The following DCLRE1A variants were observed in gnomAD, a reference collection of about 807,000 sequenced individuals.
DCLRE1A encodes DNA cross-link repair 1A.
A neutral mutation model predicts 91.9 loss-of-function variants in DCLRE1A; 64 were observed. The ratio of observed to expected loss-of-function variants is 0.70; its 90% CI spans 0.57 to 0.86. DCLRE1A has a LOEUF of 0.86. Ranked by LOEUF, DCLRE1A falls within the 40% of genes least tolerant of loss-of-function variation. The pLI, the probability that DCLRE1A is intolerant of heterozygous loss-of-function variation, is 0.00. For synonymous variants in DCLRE1A, 416 were observed against 431.1 expected (o/e 0.96, Z 0.43); for missense variants, 1,145 against 1,213.3 (o/e 0.94, Z 0.84).
intron 4 of DCLRE1A, among the ~76,000 whole-genome samples, chr10:113,844,719 T>C (rs1845503197): frequency 6.6e-6 from 1 of 152,204 alleles, no homozygotes; most frequent in Non-Finnish European, 1.5e-5. Flanking sequence ...GTGTATCACC[T>C]GAGGTCAGGA....
chr10:113,842,040 C>A (rs1845453357), intron 6 of DCLRE1A, among the ~76,000 whole-genome samples: 1 of 152,244 alleles, frequency 6.6e-6, no homozygotes, highest in South Asian at 2.1e-4. Flanking sequence ...TGCAGCAATA[C>A]AACTATGCAT....
Position 113,835,089 on chromosome 10 carries a change from G to C in DCLRE1A, c.*63C>G. 1.4e-6 allele frequency: 2 copies of C among 1,475,182 alleles called. No homozygotes were observed. The highest frequency in any genetic ancestry group is 1.8e-6 in the Non-Finnish European group (2 of 1,082,040). 91.4% of individuals were successfully genotyped at this position (1,475,182 alleles called of 1,614,324 possible). ...ACAAAGTGTATTTCACATTTCTATA[G>C]ATTTAACTACTAACAAGCTACATCC... On this transcript the variant is annotated 3_prime_UTR_variant, in exon 9 of 9. Transcript: ENST00000361384.
chr10:113,848,969 T>C lies in DCLRE1A; in HGVS notation c.2125+11A>G. 1 of 1,605,452 alleles carries C rather than the reference T, an allele frequency of 6.2e-7. No individual in the cohort carries two copies. The highest frequency in any genetic ancestry group is 8.5e-7 in the Non-Finnish European group (1 of 1,176,034). Reference sequence around the variant, plus strand: ...TTTGTTGATATATCGAGTATTGACATTTCAACTTACCAGGTATTTTCTTAT... The same window carrying C: ...TTTGTTGATATATCGAGTATTGACACTTCAACTTACCAGGTATTTTCTTAT... On this transcript the variant is annotated intron_variant, in intron 2 of 8. Transcript: ENST00000361384.
At chr10:113,842,004 C>A (rs1446835431) in intron 6 of DCLRE1A, among the ~76,000 whole-genome samples, 35 of 152,112 alleles carry the variant, frequency 2.3e-4, no homozygotes, top group Admixed American at 2.3e-3. Flanking sequence ...AAACTGATTG[C>A]CAATGTAATT....
intron 7 of DCLRE1A, among the ~76,000 whole-genome samples, chr10:113,838,266 C>T: frequency 6.6e-6 from 1 of 152,108 alleles, no homozygotes; most frequent in East Asian, 1.9e-4. Flanking sequence ...ATCACTATTC[C>T]TTCTGCCCTT....
chr10:113,837,066 T>A lies in DCLRE1A; in HGVS notation c.2958A>T (p.Ile986=). ...VIPQTKGNIS[I]YGIPYSEHSS... ...GAGAAAATTTAATAACTATACCATA[T>A]ATTGAAATGTTTCCTTTGGTCTGGG... Residue 986 remains isoleucine, a synonymous_variant, in exon 8 of 9, where the codon ATA becomes ATT. Transcript: ENST00000361384. 1 of 1,602,614 alleles carries A rather than the reference T, an allele frequency of 6.2e-7. No individual in the cohort carries two copies. Among genetic ancestry groups the A allele is most frequent in the Non-Finnish European group, 8.5e-7 (1 of 1,175,580 alleles).
At chr10:113,843,547 T>A (rs1233522083) in intron 5 of DCLRE1A, among the ~76,000 whole-genome samples, 3 of 152,198 alleles carry the variant, frequency 2.0e-5, no homozygotes, top group African/African-American at 7.2e-5. Context: ...GATATTTTAA[T>A]ATATAAAATC....
At chr10:113,848,571 C>A (rs1313951681) in intron 2 of DCLRE1A, among the ~76,000 whole-genome samples, 1 of 152,090 alleles carries the variant, frequency 6.6e-6, no homozygotes, top group African/African-American at 2.4e-5. Flanking sequence ...TATGTAAAAC[C>A]TGTGACATTT....
At chr10:113,837,297 G>A in intron 7 of DCLRE1A, 94 bp from the exon 8 acceptor site, 3 of 1,212,140 alleles carry the variant, frequency 2.5e-6, no homozygotes, top group Admixed American at 2.8e-5. Flanking sequence ...ACAGGCATGG[G>A]GAGTTTTCAT....
Position 113,853,184 on chromosome 10 carries a change from G to A in DCLRE1A, c.-2C>T. The A allele has an allele frequency of 6.5e-7, 1 of 1,536,898 alleles. No individual in the cohort carries two copies. Among genetic ancestry groups the A allele is most frequent in the Non-Finnish European group, 8.7e-7 (1 of 1,151,808 alleles). On this transcript the variant is annotated 5_prime_UTR_variant, in exon 1 of 9. Coordinates refer to ENST00000361384, the MANE Select transcript of DCLRE1A (RefSeq NM_014881.5). ...TTCTTCGGAAATGTCTTCTAACATGGCAAAATGATTTTATCATTCAAGAAG... is the reference window on the plus strand; with the variant it reads ...TTCTTCGGAAATGTCTTCTAACATGACAAAATGATTTTATCATTCAAGAAG...
At position 113,847,255 on chromosome 10, in the gene DCLRE1A, C is replaced by G; in HGVS notation, c.2206G>C (p.Asp736His). Reference sequence around the variant, plus strand: ...TGTTTAGACAATCCAGCATAATGATCAGAATGAAAATGTGTGAGAAAATAG... The same window carrying G: ...TGTTTAGACAATCCAGCATAATGATGAGAATGAAAATGTGTGAGAAAATAG... Reference protein sequence around the residue: ...TAYFLTHFHSDHYAGLSKHFT... With the variant: ...TAYFLTHFHSHHYAGLSKHFT... Residue 736 changes from aspartate (D) to histidine (H), a missense_variant, in exon 3 of 9, where the codon GAT (aspartate) becomes CAT (histidine). Coordinates refer to ENST00000361384, the MANE Select transcript of DCLRE1A (RefSeq NM_014881.5). The G allele has an allele frequency of 6.2e-7, 1 of 1,613,732 alleles. No homozygotes were observed. Among genetic ancestry groups the G allele is most frequent in the Middle Eastern group, 1.6e-4 (1 of 6,062 alleles).
chr10:113,837,207 T>C lies in DCLRE1A; in HGVS notation c.2821-4A>G. On this transcript the variant is annotated splice_region_variant and splice_polypyrimidine_tract_variant and intron_variant, in intron 7 of 8. Coordinates refer to ENST00000361384, the MANE Select transcript of DCLRE1A (RefSeq NM_014881.5). ...TCTTCAAATGACTCTGTAAGCCCTG[T>C]TAAATTAAAATAGCATATTGAGGTC... 6.2e-7 allele frequency: 1 copy of C among 1,606,596 alleles called. No homozygotes were observed. The highest frequency in any genetic ancestry group is 8.5e-7 in the Non-Finnish European group (1 of 1,177,702).
chr10:113,840,042 T>A (rs555341987), intron 7 of DCLRE1A, among the ~76,000 whole-genome samples: 40 of 152,188 alleles, frequency 2.6e-4, no homozygotes, highest in African/African-American at 9.4e-4. Flanking sequence ...ACCTGTAATA[T>A]CAGCACTTGG....
intron 5 of DCLRE1A, among the ~76,000 whole-genome samples, chr10:113,843,337 G>T (rs1489178513): frequency 6.6e-6 from 1 of 151,814 alleles, no homozygotes; most frequent in Non-Finnish European, 1.5e-5. Context: ...ATAGAACTAG[G>T]TAACAAAAAA....
intron 2 of DCLRE1A, 42 bp from the exon 3 acceptor site, chr10:113,847,377 A>G (rs200831462): frequency 2.4e-5 from 39 of 1,604,640 alleles, no homozygotes; most frequent in Non-Finnish European, 3.2e-5. Context: ...GCAAGAGCTA[A>G]GATACCCAAT....
At chr10:113,835,807 T>A (rs1031115528) in intron 8 of DCLRE1A, among the ~76,000 whole-genome samples, 2 of 152,094 alleles carry the variant, frequency 1.3e-5, no homozygotes, top group African/African-American at 4.8e-5. Context: ...TGGTGGCACA[T>A]GCCTGTAATC....
At chr10:113,846,587 G>A (rs968991105) in intron 3 of DCLRE1A, among the ~76,000 whole-genome samples, 1 of 152,070 alleles carries the variant, frequency 6.6e-6, no homozygotes, top group African/African-American at 2.4e-5. Context: ...GCTCCTTGAA[G>A]CTCGATACAG....
At chr10:113,836,055 A>G (rs1474731242) in intron 8 of DCLRE1A, among the ~76,000 whole-genome samples, 1 of 152,156 alleles carries the variant, frequency 6.6e-6, no homozygotes, top group East Asian at 1.9e-4. Flanking sequence ...ATAAGATGTA[A>G]GATGTGCTTG....
At chr10:113,848,697 T>C (rs1845582886) in intron 2 of DCLRE1A, among the ~76,000 whole-genome samples, 1 of 152,214 alleles carries the variant, frequency 6.6e-6, no homozygotes, top group South Asian at 2.1e-4. Flanking sequence ...TGAATCCCTA[T>C]TCCTCTCTTA....
Sources: gnomAD v4.1 joint callset for allele counts (sites outside exome capture counted in the v4.1 genomes callset) on GRCh38, gnomAD v4.1.1 for gene constraint, MANE v1.5 for transcripts, NCBI Gene and HGNC (gene_info 2026-07-23, HGNC 2026-07-21) for gene names.